GRAMD1C: variants seen among roughly 807,000 people sequenced by gnomAD.
GRAMD1C encodes GRAM domain containing 1C.
A neutral mutation model predicts 97.8 loss-of-function variants in GRAMD1C; 89 were observed. The observed-to-expected ratio is 0.91, with a 90% confidence interval of 0.77 to 1.09. GRAMD1C has a LOEUF of 1.09. GRAMD1C is among the 50% of genes least tolerant of loss of function. GRAMD1C has a pLI of 0.00. For synonymous variants in GRAMD1C, 256 were observed against 267.0 expected (o/e 0.96, Z 0.40); for missense variants, 740 against 766.4 (o/e 0.97, Z 0.41).
chr3:113,935,346 A>G (rs979512248), intron 13 of GRAMD1C, among the ~76,000 whole-genome samples: 1 of 152,078 alleles, frequency 6.6e-6, no homozygotes, highest in East Asian at 1.9e-4. Flanking sequence ...TGTCAGATGC[A>G]GCTTTCCTGG....
At position 113,838,934 on chromosome 3, in the gene GRAMD1C, C is replaced by T. The variant is rs1487336699; in HGVS notation, c.25C>T (p.Gln9Ter). 2 of 1,096,768 alleles carry T rather than the reference C, an allele frequency of 1.8e-6. No individual in the cohort carries two copies. Among genetic ancestry groups the T allele is most frequent in the South Asian group, 5.0e-5 (1 of 20,056 alleles). 67.9% of individuals were successfully genotyped at this position (1,096,768 alleles called of 1,614,324 possible). MEGAPTVR[Q>*]VMNEGDSSLA... ...GATGGAGGGCGCTCCGACTGTCCGT[C>T]AGGTAAGCCGCGGGCCTCGCTGGGG... Residue 9 changes from glutamine to a stop codon, truncating the protein, a stop_gained and splice_region_variant, in exon 1 of 18, where the codon CAG (glutamine) becomes TAG (stop). Coordinates refer to ENST00000358160, the MANE Select transcript of GRAMD1C (RefSeq NM_017577.5). LOFTEE classifies it high-confidence loss of function.
intron 1 of GRAMD1C, 33 bp downstream of exon 1, chr3:113,838,969 A>G: frequency 8.1e-7 from 1 of 1,229,840 alleles, no homozygotes; most frequent in Non-Finnish European, 1.0e-6. Flanking sequence ...GCAGGTTCCC[A>G]TCTGTGGCTT....
chr3:113,932,948 T>A (rs909129214), intron 11 of GRAMD1C, among the ~76,000 whole-genome samples: 4 of 151,198 alleles, frequency 2.6e-5, no homozygotes, highest in African/African-American at 9.7e-5. Flanking sequence ...AGTGAGGCGA[T>A]CTTGCTCACT....
chr3:113,927,437 T>C (rs2107359451), intron 10 of GRAMD1C, among the ~76,000 whole-genome samples: 1 of 152,256 alleles, frequency 6.6e-6, no homozygotes, highest in South Asian at 2.1e-4. Context: ...AGAATTACAC[T>C]CTGCCCCTCC....
chr3:113,866,458 C>A (rs7645274), intron 2 of GRAMD1C, among the ~76,000 whole-genome samples: 1 of 151,998 alleles, frequency 6.6e-6, no homozygotes, highest in Admixed American at 6.6e-5. Context: ...CTCTTGTAGA[C>A]AAAATATAGT....
intron 6 of GRAMD1C, among the ~76,000 whole-genome samples, chr3:113,898,728 A>G (rs1291733382): frequency 2.0e-5 from 3 of 152,184 alleles, no homozygotes; most frequent in Non-Finnish European, 2.9e-5. Context: ...TATCCATTGT[A>G]GGTTAATATA....
chr3:113,881,888 T>C (rs1935277304), intron 5 of GRAMD1C, among the ~76,000 whole-genome samples: 1 of 152,208 alleles, frequency 6.6e-6, no homozygotes, highest in Non-Finnish European at 1.5e-5. Flanking sequence ...TTCAATTTAA[T>C]GAATTAGAAA....
chr3:113,850,518 G>A, intron 2 of GRAMD1C: 1 of 1,586,656 alleles, frequency 6.3e-7, no homozygotes, highest in Non-Finnish European at 8.6e-7. Flanking sequence ...GCCCTCATTG[G>A]TAAGGTACCA....
chr3:113,836,533 T>TTC, upstream of GRAMD1C, among the ~76,000 whole-genome samples: 1 of 151,488 alleles, frequency 6.6e-6, no homozygotes, highest in East Asian at 1.9e-4. Flanking sequence ...CTAAATACTT[T>TTC]TTTTTTTTTA....
chr3:113,844,403 C>T (rs1158485125), intron 1 of GRAMD1C, 100 bp from the exon 2 acceptor site: 3 of 737,324 alleles, frequency 4.1e-6, no homozygotes, highest in Admixed American at 2.8e-5. Context: ...TAAATATTGC[C>T]CTTTTAAAAT....
intron 5 of GRAMD1C, among the ~76,000 whole-genome samples, chr3:113,876,463 A>G (rs1467380163): frequency 2.6e-5 from 4 of 152,206 alleles, no homozygotes; most frequent in African/African-American, 9.6e-5. Context: ...TATAGTTTAC[A>G]GATAACTTTC....
intron 10 of GRAMD1C, among the ~76,000 whole-genome samples, chr3:113,923,367 A>G (rs537363655): frequency 6.6e-6 from 1 of 152,264 alleles, no homozygotes; most frequent in African/African-American, 2.4e-5. Flanking sequence ...GAATTGTTCC[A>G]GCTTTTGCCC....
At chr3:113,881,258 G>A (rs904277911) in intron 5 of GRAMD1C, among the ~76,000 whole-genome samples, 2 of 152,132 alleles carry the variant, frequency 1.3e-5, no homozygotes, top group Non-Finnish European at 2.9e-5. Context: ...GGGTTCAAGC[G>A]ATTCTCCAGC....
At chr3:113,875,920 T>C (rs1935012196) in intron 4 of GRAMD1C, 1 of 429,028 alleles carries the variant, frequency 2.3e-6, no homozygotes, top group Admixed American at 4.1e-5. Flanking sequence ...CACCCACATG[T>C]CTTTTCAAAC....
rs1195504526 is a variant in GRAMD1C at position 113,831,698 on chromosome 3, G to C, written n.98+3419G>C. 3.3e-5 allele frequency among the ~76,000 whole-genome samples: 5 copies of C among 151,992 alleles called. No individual in the cohort carries two copies. The East Asian group carries it at 9.6e-4, about 29-fold the overall frequency. On this transcript the variant is annotated intron_variant and non_coding_transcript_variant, in intron 1 of 18. Transcript: ENST00000479212. ...CTGATTTGTTCCTCTGTCTGCTCAA[G>C]TCTATTTGAATTACTCTAGTGAATT...
At chr3:113,908,880 C>T in intron 8 of GRAMD1C, 78 bp from the exon 9 acceptor site, 1 of 738,138 alleles carries the variant, frequency 1.4e-6, no homozygotes, top group Non-Finnish European at 2.2e-6. Flanking sequence ...TTCAAAGTAT[C>T]TTTAATATTA....
At chr3:113,885,592 T>C in intron 6 of GRAMD1C, 1 of 1,535,212 alleles carries the variant, frequency 6.5e-7, no homozygotes, top group Non-Finnish European at 9.0e-7. Flanking sequence ...AAGGTGGTAA[T>C]AGACAAACAT....
chr3:113,839,683 T>TA (rs1320783653), intron 1 of GRAMD1C, among the ~76,000 whole-genome samples: 1 of 152,194 alleles, frequency 6.6e-6, no homozygotes, highest in Non-Finnish European at 1.5e-5. Flanking sequence ...ACCCAATCAG[T>TA]CACTGATTCA....
intron 1 of GRAMD1C, among the ~76,000 whole-genome samples, chr3:113,829,334 G>C (rs1039341843): frequency 2.0e-5 from 3 of 152,170 alleles, no homozygotes; most frequent in African/African-American, 7.2e-5. Flanking sequence ...TGTGGCCCCA[G>C]GTACTTGGAA....
Sources: allele counts gnomAD v4.1 joint callset (sites outside exome capture counted in the v4.1 genomes callset), GRCh38; gene constraint gnomAD v4.1.1; transcripts MANE v1.5; gene names NCBI Gene and HGNC (gene_info 2026-07-23, HGNC 2026-07-21).